ZFAT: variants seen among roughly 807,000 people sequenced by gnomAD.
ZFAT encodes zinc finger and AT-hook domain containing, also known as zinc finger protein ZFAT.
ZFAT carries 64 observed loss-of-function variants against 117.7 expected under a neutral mutation model. The observed-to-expected ratio is 0.54, with a 90% CI of 0.44 to 0.67. The LOEUF (loss-of-function observed/expected upper bound fraction) is 0.67, where lower values mean the gene tolerates loss of function less well. Among genes scored for constraint, ZFAT ranks in the 30% least tolerant of loss-of-function variants. The pLI, the probability that ZFAT is intolerant of heterozygous loss-of-function variation, is 0.00. For synonymous variants in ZFAT, 679 were observed against 615.0 expected (o/e 1.10, Z -1.54); for missense variants, 1,433 against 1,584.5 (o/e 0.90, Z 1.62).
intron 1 of ZFAT, among the ~76,000 whole-genome samples, chr8:134,658,766 C>T (rs538252258): frequency 6.6e-6 from 1 of 152,298 alleles, no homozygotes; most frequent in East Asian, 1.9e-4. Flanking sequence ...GTGGCTTTGT[C>T]CACTGAAAAG....
the ZFAT span, among the ~76,000 whole-genome samples, chr8:134,791,618 A>G: frequency 6.6e-6 from 1 of 152,230 alleles, no homozygotes; most frequent in African/African-American, 2.4e-5. Flanking sequence ...GTTAGTCAGA[A>G]TAAGTAACCT....
the ZFAT span, chr8:134,785,590 C>G: frequency 6.6e-6 from 1 of 151,382 alleles, no homozygotes. Flanking sequence ...TACAGACATG[C>G]AATTGTCCTA....
the ZFAT span, among the ~76,000 whole-genome samples, chr8:134,810,544 TCTGA>T: frequency 6.6e-6 from 1 of 152,202 alleles, no homozygotes; most frequent in Non-Finnish European, 1.5e-5. Flanking sequence ...CTTCATAAAG[TCTGA>T]CTATTTATAC....
intron 1 of ZFAT, among the ~76,000 whole-genome samples, chr8:134,676,233 G>A (rs185003880): frequency 1.2e-5 from 1 of 85,846 alleles, no homozygotes; most frequent in Non-Finnish European, 2.2e-5. Flanking sequence ...GATGGAGGAA[G>A]ATCTACCAAG....
At chr8:134,789,266 C>G in the ZFAT span, among the ~76,000 whole-genome samples, 1 of 152,282 alleles carries the variant, frequency 6.6e-6, no homozygotes, top group Non-Finnish European at 1.5e-5. Context: ...AACCTGAGGA[C>G]AAACTCCAGT....
chr8:134,667,103 G>C (rs1317202736), intron 1 of ZFAT, among the ~76,000 whole-genome samples: 2 of 152,140 alleles, frequency 1.3e-5, no homozygotes, highest in Non-Finnish European at 2.9e-5. Context: ...ATGGACATAG[G>C]GAGGGGAACA....
the ZFAT span, chr8:134,793,238 A>T: frequency 6.6e-6 from 1 of 152,242 alleles, no homozygotes; most frequent in East Asian, 1.9e-4. Context: ...GGAAGTGGAC[A>T]CACAGATGAA....
At chr8:134,516,221 G>A (rs953279651) in intron 13 of ZFAT, among the ~76,000 whole-genome samples, 1 of 152,176 alleles carries the variant, frequency 6.6e-6, no homozygotes, top group Non-Finnish European at 1.5e-5. Flanking sequence ...TCCATCCATG[G>A]TGTTTTCTGT....
chr8:134,719,384 T>G, the ZFAT span, among the ~76,000 whole-genome samples: 1 of 152,134 alleles, frequency 6.6e-6, no homozygotes, highest in African/African-American at 2.4e-5. Flanking sequence ...AAAATGCAGT[T>G]GAGTGCCACG....
At chr8:134,706,585 G>A (rs1586975925) in intron 1 of ZFAT, among the ~76,000 whole-genome samples, 3 of 152,228 alleles carry the variant, frequency 2.0e-5, no homozygotes, top group South Asian at 4.1e-4. Flanking sequence ...CCAGCTACTC[G>A]GGAGGCTGAG....
At chr8:134,661,771 T>C (rs1170237591) in intron 1 of ZFAT, among the ~76,000 whole-genome samples, 1 of 152,124 alleles carries the variant, frequency 6.6e-6, no homozygotes, top group Admixed American at 6.5e-5. Flanking sequence ...GGGAGGCAGA[T>C]GTGCCCCCAA....
intron 1 of ZFAT, among the ~76,000 whole-genome samples, chr8:134,692,328 G>A (rs1833623400): frequency 6.6e-6 from 1 of 152,196 alleles, no homozygotes; most frequent in African/African-American, 2.4e-5. Context: ...TTTGAAGGAA[G>A]AGAAACCAGA....
At chr8:134,629,670 C>A (rs775004027) in intron 3 of ZFAT, among the ~76,000 whole-genome samples, 1 of 152,166 alleles carries the variant, frequency 6.6e-6, no homozygotes, top group Admixed American at 6.5e-5. Context: ...CTCTCTCCTG[C>A]CACCATATAA....
the ZFAT span, among the ~76,000 whole-genome samples, chr8:134,751,080 A>AT: frequency 8.5e-4 from 128 of 151,400 alleles, no homozygotes; most frequent in Non-Finnish European, 1.2e-3. Flanking sequence ...TGCTAAATAC[A>AT]TTTTTTTTTC....
intron 10 of ZFAT, among the ~76,000 whole-genome samples, chr8:134,582,607 TAGA>T (rs1013373973): frequency 6.6e-6 from 1 of 152,192 alleles, no homozygotes; most frequent in African/African-American, 2.4e-5. Context: ...GGATTTTTTT[TAGA>T]GAGAGTACTG....
intron 10 of ZFAT, among the ~76,000 whole-genome samples, chr8:134,578,596 CT>C (rs1020954935): frequency 5.3e-5 from 8 of 151,916 alleles, no homozygotes; most frequent in African/African-American, 1.7e-4. Context: ...ACGACCTGGC[CT>C]TTGTTTCCAC....
chr8:134,718,540 C>T, the ZFAT span, among the ~76,000 whole-genome samples: 2 of 152,034 alleles, frequency 1.3e-5, no homozygotes, highest in African/African-American at 2.4e-5. Flanking sequence ...TATTTATAAC[C>T]AATTTTCTTT....
the ZFAT span, among the ~76,000 whole-genome samples, chr8:134,754,332 A>G: frequency 6.6e-6 from 1 of 152,250 alleles, no homozygotes; most frequent in Non-Finnish European, 1.5e-5. Context: ...TTATGACATT[A>G]CTGGATTTAT....
chr8:134,658,013 C>T (rs1049625218), intron 1 of ZFAT, among the ~76,000 whole-genome samples: 1 of 152,190 alleles, frequency 6.6e-6, no homozygotes, highest in African/African-American at 2.4e-5. Flanking sequence ...ACTCATCAGC[C>T]CAGATTCTGG....
Sources: gnomAD v4.1 joint callset for allele counts (sites outside exome capture counted in the v4.1 genomes callset) on GRCh38, gnomAD v4.1.1 for gene constraint, MANE v1.5 for transcripts, NCBI Gene and HGNC (gene_info 2026-07-23, HGNC 2026-07-21) for gene names.